The following LTBP1 variants were observed in gnomAD, a reference collection of about 807,000 sequenced individuals.
LTBP1 encodes latent transforming growth factor beta binding protein 1.
LTBP1 carries 129 observed loss-of-function variants against 207.6 expected under a neutral mutation model. The observed-to-expected ratio is 0.62, with a 90% CI of 0.54 to 0.72. The LOEUF (loss-of-function observed/expected upper bound fraction) is 0.72. Among genes scored for constraint, LTBP1 ranks in the 30% least tolerant of loss-of-function variants. The pLI is 0.00. For synonymous variants in LTBP1, 963 were observed against 833.7 expected (o/e 1.16, Z -2.67); for missense variants, 2,281 against 2,217.2 (o/e 1.03, Z -0.58).
At chr2:33,203,775 A>C (rs769361231) in intron 7 of LTBP1, among the ~76,000 whole-genome samples, 14 of 152,226 alleles carry the variant, frequency 9.2e-5, no homozygotes, top group Non-Finnish European at 2.1e-4. Context: ...CATTGAAAAT[A>C]ATAATTATGG....
chr2:33,052,714 C>T (rs945336334), intron 3 of LTBP1, among the ~76,000 whole-genome samples: 2 of 152,268 alleles, frequency 1.3e-5, no homozygotes, highest in Admixed American at 6.5e-5. Context: ...GGATTTCTCC[C>T]TTTTCACCCT....
intron 2 of LTBP1, among the ~76,000 whole-genome samples, chr2:33,006,913 A>T (rs755228184): frequency 2.0e-5 from 3 of 152,082 alleles, no homozygotes; most frequent in Non-Finnish European, 2.9e-5. Context: ...CCTTCCATGG[A>T]GAGGAATGGC....
chr2:33,199,686 T>C (rs1040260876), intron 7 of LTBP1, among the ~76,000 whole-genome samples: 1 of 152,184 alleles, frequency 6.6e-6, no homozygotes, highest in Admixed American at 6.5e-5. Flanking sequence ...AGTCAAATTG[T>C]CCCTGTTGGC....
intron 8 of LTBP1, among the ~76,000 whole-genome samples, chr2:33,220,044 A>G (rs1365969761): frequency 6.6e-6 from 1 of 152,152 alleles, no homozygotes; most frequent in Admixed American, 6.5e-5. Flanking sequence ...AATGTTGGTG[A>G]AAAAAATCCA....
At chr2:33,178,759 A>G (rs2086322849) in intron 5 of LTBP1, among the ~76,000 whole-genome samples, 1 of 152,182 alleles carries the variant, frequency 6.6e-6, no homozygotes. Context: ...CTTGAATGGT[A>G]TCTCACCACC....
chr2:33,020,768 G>GC (rs2075127552), intron 2 of LTBP1, 141 bp from the exon 3 acceptor site: 1 of 749,642 alleles, frequency 1.3e-6, no homozygotes, highest in South Asian at 2.4e-5. Flanking sequence ...CCGCCCAACT[G>GC]CCCCACCTTC....
At chr2:33,063,461 T>A (rs1417980101) in intron 3 of LTBP1, among the ~76,000 whole-genome samples, 2 of 152,188 alleles carry the variant, frequency 1.3e-5, no homozygotes, top group Admixed American at 1.3e-4. Flanking sequence ...TTTGCAAAAG[T>A]GTAAAACAAT....
chr2:33,263,439 G>A (rs1242816219), intron 15 of LTBP1, 47 bp downstream of exon 15: 2 of 1,365,090 alleles, frequency 1.5e-6, no homozygotes, highest in South Asian at 2.4e-5. Context: ...GGAGACGTGG[G>A]GCTGAGCTTC....
chr2:33,365,643 G>GTGGGTA, intron 31 of LTBP1, 140 bp downstream of exon 31: 1 of 773,174 alleles, frequency 1.3e-6, no homozygotes. Context: ...GTGTGTGTGT[G>GTGGGTA]TGTGTGTAGG....
At chr2:33,336,725 G>C (rs1300048430) in intron 24 of LTBP1, among the ~76,000 whole-genome samples, 1 of 152,110 alleles carries the variant, frequency 6.6e-6, no homozygotes, top group Non-Finnish European at 1.5e-5. Context: ...AGTACGTTTT[G>C]CTCAGAATAA....
chr2:33,119,804 C>A (rs1175397717), intron 4 of LTBP1, among the ~76,000 whole-genome samples: 1 of 152,156 alleles, frequency 6.6e-6, no homozygotes, highest in Admixed American at 6.5e-5. Flanking sequence ...GTGATCCTCC[C>A]GCCTTGGCCT....
At chr2:33,084,235 T>G (rs1017018975) in intron 3 of LTBP1, among the ~76,000 whole-genome samples, 2 of 152,324 alleles carry the variant, frequency 1.3e-5, no homozygotes, top group East Asian at 1.9e-4. Context: ...TCAGATTTTT[T>G]TGTGTGTGCC....
At chr2:33,008,599 C>G (rs1687251354) in intron 2 of LTBP1, among the ~76,000 whole-genome samples, 1 of 152,246 alleles carries the variant, frequency 6.6e-6, no homozygotes, top group Admixed American at 6.5e-5. Flanking sequence ...CATGCATTTA[C>G]TCCTTCCACG....
chr2:32,961,363 T>C (rs1679079327), intron 2 of LTBP1, among the ~76,000 whole-genome samples: 2 of 152,234 alleles, frequency 1.3e-5, no homozygotes, highest in South Asian at 4.1e-4. Context: ...CTGGTCACTA[T>C]TGTGTTAAAA....
chr2:33,036,456 G>GT (rs58538593), intron 3 of LTBP1, among the ~76,000 whole-genome samples: 53,143 of 148,572 alleles, frequency 0.36, 10,714 homozygotes, highest in East Asian at 0.67. Context: ...CATGATGAAC[G>GT]TTTTTTTTTT....
At chr2:33,209,645 A>G (rs996483685) in intron 7 of LTBP1, among the ~76,000 whole-genome samples, 31 of 152,196 alleles carry the variant, frequency 2.0e-4, no homozygotes, top group Admixed American at 7.2e-4. Context: ...GGTCTTAAGA[A>G]TATCTTTTTC....
chr2:33,324,965 A>G (rs995927603), intron 24 of LTBP1, among the ~76,000 whole-genome samples: 1 of 152,166 alleles, frequency 6.6e-6, no homozygotes, highest in South Asian at 2.1e-4. Context: ...TCGGCCTCCC[A>G]AAGTGCTGAG....
At chr2:33,261,160 G>C (rs1230110611) in intron 13 of LTBP1, among the ~76,000 whole-genome samples, 1 of 152,186 alleles carries the variant, frequency 6.6e-6, no homozygotes, top group Non-Finnish European at 1.5e-5. Flanking sequence ...AATCAGTGGG[G>C]AAATACCCTG....
At chr2:33,280,340 G>A (rs1428013594) in intron 19 of LTBP1, among the ~76,000 whole-genome samples, 182 bp downstream of exon 19, 1 of 152,068 alleles carries the variant, frequency 6.6e-6, no homozygotes, top group Non-Finnish European at 1.5e-5. Flanking sequence ...TTAGCATAAA[G>A]GATGTAAGAT....
Sources: allele counts gnomAD v4.1 joint callset (sites outside exome capture counted in the v4.1 genomes callset), GRCh38; gene constraint gnomAD v4.1.1; transcripts MANE v1.5; gene names NCBI Gene and HGNC (gene_info 2026-07-23, HGNC 2026-07-21).